Variants in ATXN8OS observed in about 807,000 individuals in gnomAD.
The protein encoded by ATXN8OS is ATXN8 opposite strand lncRNA, also known as ATXN8 opposite strand (non-protein coding).
chr13:70,159,179 TTC>T (rs146118015), intron 4 of ATXN8OS, among the ~76,000 whole-genome samples: 378 of 26,546 alleles, frequency 0.014, 9 homozygotes, highest in Admixed American at 0.12. Context: ...ACCACTTCCA[TTC>T]TCTCTCTCTC....
chr13:70,148,202 A>G (rs1478940760), intron 4 of ATXN8OS, among the ~76,000 whole-genome samples: 1 of 152,180 alleles, frequency 6.6e-6, no homozygotes, highest in African/African-American at 2.4e-5. Context: ...GATCAGGAAA[A>G]GACCTGCAAA....
intron 2 of ATXN8OS, among the ~76,000 whole-genome samples, chr13:70,115,671 C>T (rs964546683): frequency 1.3e-5 from 2 of 151,816 alleles, no homozygotes; most frequent in Non-Finnish European, 2.9e-5. Context: ...GCATGAAACA[C>T]CAGTAAATAA....
intron 4 of ATXN8OS, among the ~76,000 whole-genome samples, chr13:70,154,379 G>A (rs1281094614): frequency 2.0e-5 from 3 of 152,164 alleles, no homozygotes; most frequent in Non-Finnish European, 4.4e-5. Context: ...CAGAGGGGCT[G>A]CTACTTCTTT....
intron 4 of ATXN8OS, among the ~76,000 whole-genome samples, chr13:70,151,458 G>A (rs1210848237): frequency 1.3e-5 from 2 of 151,984 alleles, no homozygotes; most frequent in Non-Finnish European, 2.9e-5. Context: ...TGCTGTAAAT[G>A]GGGCTATATA....
intron 3 of ATXN8OS, among the ~76,000 whole-genome samples, chr13:70,145,445 A>G (rs1393313823): frequency 6.6e-6 from 1 of 151,614 alleles, no homozygotes; most frequent in Non-Finnish European, 1.5e-5. Flanking sequence ...CTTGGGCAGT[A>G]TGGCCATTTT....
At chr13:70,121,798 A>G (rs1888363612) in intron 2 of ATXN8OS, among the ~76,000 whole-genome samples, 1 of 152,060 alleles carries the variant, frequency 6.6e-6, no homozygotes, top group African/African-American at 2.4e-5. Context: ...GTGAGAGTAA[A>G]GGTAAGATCT....
intron 3 of ATXN8OS, among the ~76,000 whole-genome samples, chr13:70,146,045 T>A: frequency 2.4e-5 from 2 of 83,078 alleles, no homozygotes; most frequent in Admixed American, 1.3e-4. Flanking sequence ...GAATCTACAA[T>A]GAACTCAAAC....
chr13:70,168,890 T>C (rs1889110590), intron 4 of ATXN8OS, among the ~76,000 whole-genome samples: 1 of 152,304 alleles, frequency 6.6e-6, no homozygotes, highest in South Asian at 2.1e-4. Context: ...ATTTATTTTG[T>C]CTGCACTGTT....
At chr13:70,152,321 G>A (rs777132376) in intron 4 of ATXN8OS, among the ~76,000 whole-genome samples, 3 of 150,056 alleles carry the variant, frequency 2.0e-5, no homozygotes, top group African/African-American at 4.9e-5. Context: ...TCTTTATATC[G>A]TCTATCCCAG....
At chr13:70,149,643 T>G (rs1888838168) in intron 4 of ATXN8OS, among the ~76,000 whole-genome samples, 1 of 152,132 alleles carries the variant, frequency 6.6e-6, no homozygotes, top group Non-Finnish European at 1.5e-5. Context: ...TTACTGAATA[T>G]CACTATTATC....
At chr13:70,130,592 G>A (rs989157639) in intron 3 of ATXN8OS, 1 of 397,482 alleles carries the variant, frequency 2.5e-6, no homozygotes, top group Non-Finnish European at 4.4e-6. Flanking sequence ...AATGGTGGGT[G>A]TGAGTTGTGG....
intron 4 of ATXN8OS, among the ~76,000 whole-genome samples, chr13:70,153,846 AT>A (rs904261798): frequency 2.6e-5 from 4 of 151,360 alleles, no homozygotes; most frequent in East Asian, 2.0e-4. Context: ...CACCTGTCCA[AT>A]TTTTTTTCTT....
At chr13:70,165,993 T>C (rs1273631078) in intron 4 of ATXN8OS, among the ~76,000 whole-genome samples, 1 of 152,072 alleles carries the variant, frequency 6.6e-6, no homozygotes, top group Non-Finnish European at 1.5e-5. Context: ...TTTCCTTTGA[T>C]TGTTGATATA....
In ATXN8OS at chr13:70,120,865, G is replaced by C. The variant is rs137913915; in HGVS notation, n.398+5567G>C. ...ATGTTCTCACTCATAGGTGGGAACT[G>C]AACAATGAGAACACATGGACGCAGG... On this transcript the variant is annotated intron_variant and non_coding_transcript_variant, in intron 2 of 4. Transcript: ENST00000678624. Among the ~76,000 whole-genome samples the C allele has an allele frequency of 5.2e-3, 683 of 130,266 alleles. 6 individuals carry two copies. The highest frequency in any genetic ancestry group is 0.019 in the African/African-American group (655 of 34,446). The allele number at this position is 130,266 out of a possible 152,430, so 85.5% of individuals were successfully genotyped here. A position where few individuals can be genotyped will look rare whatever the true frequency, so the allele number is the denominator to read the frequency against.
At chr13:70,149,598 A>G (rs550074070) in intron 4 of ATXN8OS, among the ~76,000 whole-genome samples, 1 of 152,304 alleles carries the variant, frequency 6.6e-6, no homozygotes, top group Admixed American at 6.5e-5. Flanking sequence ...TGTCATAACT[A>G]TAGACTAGCA....
chr13:70,124,255 A>G (rs1207889971), intron 2 of ATXN8OS, among the ~76,000 whole-genome samples: 1 of 152,098 alleles, frequency 6.6e-6, no homozygotes, highest in African/African-American at 2.4e-5. Context: ...CCTGCTTCAC[A>G]CTTTTGTGAA....
chr13:70,159,279 A>G (rs1422374072), intron 4 of ATXN8OS, among the ~76,000 whole-genome samples: 1 of 151,904 alleles, frequency 6.6e-6, no homozygotes, highest in Non-Finnish European at 1.5e-5. Flanking sequence ...TAGATTTTCT[A>G]TGTACAAAAT....
exon 2 of ATXN8OS, chr13:70,115,274 A>T (rs926614562): frequency 1.0e-5 from 4 of 398,290 alleles, no homozygotes; most frequent in African/African-American, 8.2e-5. Flanking sequence ...ATGGCAGAAG[A>T]GCAGAGGAGA....
chr13:70,171,536 T>C (rs1454543832), exon 5 of ATXN8OS, among the ~76,000 whole-genome samples: 2 of 152,128 alleles, frequency 1.3e-5, no homozygotes, highest in Non-Finnish European at 2.9e-5. Context: ...CACACCAGAA[T>C]GCATTGTGCT....
Sources: allele counts gnomAD v4.1 joint callset (sites outside exome capture counted in the v4.1 genomes callset), GRCh38; gene constraint gnomAD v4.1.1; transcripts MANE v1.5; gene names NCBI Gene and HGNC (gene_info 2026-07-23, HGNC 2026-07-21).